The following DSCAM variants were observed in gnomAD, a reference collection of about 807,000 sequenced individuals.
DSCAM encodes the protein DS cell adhesion molecule.
DSCAM carries 47 observed loss-of-function variants against 217.7 expected under a neutral mutation model. The observed-to-expected ratio is 0.22, with a 90% CI of 0.17 to 0.28. The LOEUF (loss-of-function observed/expected upper bound fraction) is 0.28. Among genes scored for constraint, DSCAM ranks in the 10% least tolerant of loss-of-function variants. The probability of loss-of-function intolerance (pLI) is 1.00; values close to 1 mark genes in which losing one functional copy is unlikely to be tolerated. For synonymous variants in DSCAM, 1,056 were observed against 1,015.3 expected, an observed-to-expected ratio of 1.04 and a Z score of -0.76; for missense variants, 2,080 against 2,618.3, an observed-to-expected ratio of 0.79 and a Z score of 4.49.
intron 1 of DSCAM, among the ~76,000 whole-genome samples, chr21:40,806,710 C>A (rs2091790830): frequency 6.6e-6 from 1 of 152,110 alleles, no homozygotes; most frequent in Non-Finnish European, 1.5e-5. Flanking sequence ...GGAACCAACC[C>A]AAATGCCCAT....
intron 11 of DSCAM, among the ~76,000 whole-genome samples, chr21:40,265,938 C>T (rs2073520137): frequency 6.6e-6 from 1 of 152,098 alleles, no homozygotes; most frequent in African/African-American, 2.4e-5. Flanking sequence ...CTCTTTTGGA[C>T]ATTGGCCTGG....
In DSCAM at chr21:40,338,116, G is replaced by A. The variant is rs1280548665; in HGVS notation, c.1768C>T (p.His590Tyr). 1.9e-6 allele frequency: 3 copies of A among 1,614,056 alleles called. No homozygotes were observed. Among genetic ancestry groups the A allele is most frequent in the South Asian group, 1.1e-5 (1 of 91,078 alleles). The change falls in exon 8 of 33, where the codon CAC becomes TAC. Residue 590 changes from histidine (H) to tyrosine (Y), a missense_variant. His to Tyr is a moderately conservative substitution (Grantham distance 83). Around this residue, in one of 5 missense-constraint regions of DSCAM, gnomAD observed 218 missense variants for 364.1 expected, o/e 0.60. Coordinates refer to ENST00000400454, the MANE Select transcript of DSCAM (RefSeq NM_001389.5). Reference sequence around the variant, plus strand: ...CAGGGCTTACCTTTCACGGTCACGTGGACGCTCTGGCTGGTGGAGAGTTGT... The same window carrying A: ...CAGGGCTTACCTTTCACGGTCACGTAGACGCTCTGGCTGGTGGAGAGTTGT... Reference protein sequence around the residue: ...QPQLSTSQSVHVTVKVPPFIQ... With the variant: ...QPQLSTSQSVYVTVKVPPFIQ...
intron 3 of DSCAM, among the ~76,000 whole-genome samples, chr21:40,399,832 G>A (rs530797739): frequency 2.3e-4 from 35 of 152,294 alleles, no homozygotes; most frequent in East Asian, 1.4e-3. Flanking sequence ...TAAGAGGTAC[G>A]TAAAATAATT....
At chr21:40,684,095 G>A (rs535276434) in intron 3 of DSCAM, among the ~76,000 whole-genome samples, 3 of 151,440 alleles carry the variant, frequency 2.0e-5, no homozygotes, top group South Asian at 4.2e-4. Context: ...GTGGTGGCAG[G>A]TGCCTGTAGT....
intron 3 of DSCAM, among the ~76,000 whole-genome samples, chr21:40,510,665 C>G (rs1383666798): frequency 6.6e-6 from 1 of 152,168 alleles, no homozygotes; most frequent in African/African-American, 2.4e-5. Context: ...TTGGAGGGTA[C>G]ATTACAGAAG....
chr21:40,807,252 C>G (rs1212890689), intron 1 of DSCAM, among the ~76,000 whole-genome samples: 1 of 152,128 alleles, frequency 6.6e-6, no homozygotes, highest in East Asian at 1.9e-4. Context: ...ATATAGTGTC[C>G]AAATTCCATT....
intron 20 of DSCAM, among the ~76,000 whole-genome samples, chr21:40,110,188 C>T (rs747218300): frequency 1.3e-5 from 2 of 152,192 alleles, no homozygotes; most frequent in Non-Finnish European, 2.9e-5. Context: ...ACTGACACCT[C>T]ACACGGCCAG....
Position 40,187,585 on chromosome 21 carries a change from T to C in DSCAM, c.2650+306A>G, listed in dbSNP as rs1446998473. Among the ~76,000 whole-genome samples the C allele has an allele frequency of 2.0e-5, 3 of 152,312 alleles. 1 individual carries two copies. Among genetic ancestry groups the C allele is most frequent in the South Asian group, 4.1e-4 (2 of 4,828 alleles). ...CCTTTCATTCTGGTCATCTAGTACA[T>C]GGATTCCTAAAATTGAGCAAAGAAA... On this transcript the variant is annotated intron_variant, in intron 13 of 32. Coordinates refer to ENST00000400454, the MANE Select transcript of DSCAM (RefSeq NM_001389.5).
chr21:40,627,587 C>T (rs1027661044), intron 3 of DSCAM, among the ~76,000 whole-genome samples: 1 of 152,194 alleles, frequency 6.6e-6, no homozygotes, highest in Non-Finnish European at 1.5e-5. Context: ...TGAAATACAA[C>T]AAAAGCAAAA....
intron 3 of DSCAM, among the ~76,000 whole-genome samples, chr21:40,657,573 C>A (rs2090089786): frequency 6.6e-6 from 1 of 152,198 alleles, no homozygotes; most frequent in Non-Finnish European, 1.5e-5. Context: ...GACACAGGCG[C>A]AGCTACACCC....
chr21:40,598,920 T>A (rs1204350527), intron 3 of DSCAM, among the ~76,000 whole-genome samples: 1 of 152,234 alleles, frequency 6.6e-6, no homozygotes, highest in Non-Finnish European at 1.5e-5. Context: ...TATCTCGTTA[T>A]TGTTTTAATT....
At chr21:40,330,320 T>G (rs2074364119) in intron 8 of DSCAM, among the ~76,000 whole-genome samples, 1 of 145,526 alleles carries the variant, frequency 6.9e-6, no homozygotes, top group East Asian at 1.9e-4. Context: ...ATAAATTATA[T>G]ATTTATTATA....
chr21:40,546,321 G>A (rs749444420), intron 3 of DSCAM, among the ~76,000 whole-genome samples: 1 of 152,200 alleles, frequency 6.6e-6, no homozygotes, highest in Non-Finnish European at 1.5e-5. Context: ...CTGGAAAAGG[G>A]CCACCGCCCA....
chr21:40,699,287 C>T (rs1188270805), intron 2 of DSCAM, among the ~76,000 whole-genome samples: 1 of 152,164 alleles, frequency 6.6e-6, no homozygotes, highest in Admixed American at 6.5e-5. Context: ...ACTGACATGC[C>T]ATTTTCCGTC....
chr21:40,266,672 A>ATATATATATAT (rs1422997672), intron 11 of DSCAM, among the ~76,000 whole-genome samples: 3 of 45,008 alleles, frequency 6.7e-5, no homozygotes, highest in Non-Finnish European at 1.3e-4. Flanking sequence ...TATATATATA[A>ATATATATATAT]TCTTGAAATT....
intron 1 of DSCAM, among the ~76,000 whole-genome samples, chr21:40,824,011 A>G (rs978727482): frequency 1.3e-5 from 2 of 152,204 alleles, no homozygotes; most frequent in African/African-American, 2.4e-5. Context: ...AAGGCTATAA[A>G]ATCTATCCAC....
intron 1 of DSCAM, among the ~76,000 whole-genome samples, chr21:40,721,704 T>C (rs191469750): frequency 6.6e-6 from 1 of 152,218 alleles, no homozygotes; most frequent in East Asian, 1.9e-4. Context: ...TTTGGCCTAA[T>C]ATACGTATAA....
chr21:40,036,368 T>G (rs1434446400), intron 32 of DSCAM, among the ~76,000 whole-genome samples: 1 of 148,710 alleles, frequency 6.7e-6, no homozygotes, highest in Non-Finnish European at 1.5e-5. Flanking sequence ...CAAACTACCA[T>G]CAGAGAATAC....
At chr21:40,693,218 T>C (rs1681045087) in intron 2 of DSCAM, among the ~76,000 whole-genome samples, 1 of 152,162 alleles carries the variant, frequency 6.6e-6, no homozygotes, top group Admixed American at 6.5e-5. Context: ...GTAGATCCCT[T>C]GTGCCCAGGA....
Sources: allele counts gnomAD v4.1 joint callset (sites outside exome capture counted in the v4.1 genomes callset), GRCh38; gene constraint gnomAD v4.1.1; regional missense constraint gnomAD v4.1.1; transcripts MANE v1.5; gene names NCBI Gene and HGNC (gene_info 2026-07-23, HGNC 2026-07-21).